The following KIAA1217 variants were observed in gnomAD, a reference collection of about 807,000 sequenced individuals.
KIAA1217 encodes KIAA1217, also known as sickle tail protein homolog.
In KIAA1217, 88 loss-of-function variants were observed where a neutral mutation model predicts 163.9. That is an observed-to-expected ratio of 0.54 (90% CI 0.45 to 0.64). The LOEUF is 0.64. Ranked by LOEUF, KIAA1217 falls within the 30% of genes least tolerant of loss-of-function variation. The pLI, the probability that KIAA1217 is intolerant of heterozygous loss-of-function variation, is 0.00. For synonymous variants in KIAA1217, 903 were observed against 923.1 expected (o/e 0.98, Z 0.39); for missense variants, 2,372 against 2,475.0 (o/e 0.96, Z 0.88).
intron 1 of KIAA1217, among the ~76,000 whole-genome samples, chr10:23,928,453 T>A (rs529150520): frequency 2.2e-4 from 33 of 152,290 alleles, no homozygotes; most frequent in African/African-American, 7.9e-4. Context: ...CAAATGATGA[T>A]TTGTTCATTT....
intron 3 of KIAA1217, among the ~76,000 whole-genome samples, chr10:24,412,517 C>T (rs186046482): frequency 6.6e-5 from 10 of 152,326 alleles, no homozygotes; most frequent in African/African-American, 1.2e-4. Context: ...ATGGGTTAAC[C>T]AGTGCTTGCT....
intron 1 of KIAA1217, among the ~76,000 whole-genome samples, chr10:23,912,696 T>G (rs940244503): frequency 3.9e-5 from 6 of 152,116 alleles, no homozygotes; most frequent in Admixed American, 2.0e-4. Flanking sequence ...TATTCTATGG[T>G]GTTGTGTTTC....
chr10:24,161,059 C>T (rs2065095595), intron 2 of KIAA1217, among the ~76,000 whole-genome samples: 1 of 152,226 alleles, frequency 6.6e-6, no homozygotes, highest in African/African-American at 2.4e-5. Flanking sequence ...AACCTCACCT[C>T]AGACATCAAG....
intron 1 of KIAA1217, among the ~76,000 whole-genome samples, chr10:23,963,630 C>G (rs866782251): frequency 6.6e-6 from 1 of 152,084 alleles, no homozygotes. Context: ...AGTATATACC[C>G]AGTAATGGGA....
intron 1 of KIAA1217, among the ~76,000 whole-genome samples, chr10:23,781,587 T>C (rs767214756): frequency 2.0e-5 from 3 of 152,216 alleles, no homozygotes; most frequent in Non-Finnish European, 4.4e-5. Context: ...TTTTTTAGTT[T>C]GAAGTAGTCA....
chr10:24,234,944 T>C (rs2072019044), intron 2 of KIAA1217, among the ~76,000 whole-genome samples: 1 of 152,146 alleles, frequency 6.6e-6, no homozygotes, highest in Admixed American at 6.6e-5. Flanking sequence ...CAAGTGAAAA[T>C]GACTGTTAGA....
chr10:24,088,183 CA>C (rs1430184740), intron 2 of KIAA1217, among the ~76,000 whole-genome samples: 1 of 120,046 alleles, frequency 8.3e-6, no homozygotes, highest in African/African-American at 2.6e-5. Flanking sequence ...CCTGGAGGCA[CA>C]TGGATCTCCT....
intron 1 of KIAA1217, among the ~76,000 whole-genome samples, chr10:23,921,562 T>C (rs1842847809): frequency 6.6e-6 from 1 of 152,162 alleles, no homozygotes; most frequent in African/African-American, 2.4e-5. Flanking sequence ...GCCAGGGAAA[T>C]GAGAATCCAA....
chr10:24,027,502 C>A (rs1848009569), intron 2 of KIAA1217, among the ~76,000 whole-genome samples: 1 of 152,056 alleles, frequency 6.6e-6, no homozygotes, highest in African/African-American at 2.4e-5. Flanking sequence ...CATATACCAA[C>A]AAACAGAAAA....
At chr10:23,973,268 G>A (rs1845398246) in intron 1 of KIAA1217, among the ~76,000 whole-genome samples, 1 of 152,164 alleles carries the variant, frequency 6.6e-6, no homozygotes, top group South Asian at 2.1e-4. Context: ...AATTATTGAA[G>A]AATTTTAGCC....
intron 1 of KIAA1217, among the ~76,000 whole-genome samples, chr10:23,982,239 C>A (rs1240758437): frequency 6.6e-6 from 1 of 152,098 alleles, no homozygotes; most frequent in East Asian, 1.9e-4. Flanking sequence ...AAGAAAGAAA[C>A]TGGGTATCAG....
intron 2 of KIAA1217, among the ~76,000 whole-genome samples, chr10:24,351,351 C>T (rs1195100610): frequency 6.6e-6 from 1 of 152,148 alleles, no homozygotes; most frequent in African/African-American, 2.4e-5. Context: ...TCTTCCCTGC[C>T]CTGGGCTTTA....
At chr10:23,727,418 G>A (rs1838224594) in intron 1 of KIAA1217, among the ~76,000 whole-genome samples, 1 of 151,862 alleles carries the variant, frequency 6.6e-6, no homozygotes, top group African/African-American at 2.4e-5. Flanking sequence ...AAATTAGCTG[G>A]GTGTGGTGGT....
At chr10:23,803,934 T>G (rs1219002881) in intron 1 of KIAA1217, among the ~76,000 whole-genome samples, 1 of 152,152 alleles carries the variant, frequency 6.6e-6, no homozygotes, top group Non-Finnish European at 1.5e-5. Context: ...CATATAGATA[T>G]CTACGTGTTT....
chr10:24,437,557 A>G lies in KIAA1217; in HGVS notation c.753-829A>G, dbSNP rs143907937. Among the ~76,000 whole-genome samples, 456 of 152,316 alleles carry G rather than the reference A, an allele frequency of 3.0e-3. 2 individuals carry two copies. The highest frequency in any genetic ancestry group is 9.9e-3 in the African/African-American group (413 of 41,582). ...AAGGGATCACAGTGTAGACAGAGCC[A>G]AAAGGGCCTTGGGTGGCCCTTCTGC... On this transcript the variant is annotated intron_variant, in intron 4 of 20. Transcript: ENST00000376454.
chr10:24,242,705 A>G (rs2073250842), intron 2 of KIAA1217, among the ~76,000 whole-genome samples: 1 of 152,212 alleles, frequency 6.6e-6, no homozygotes, highest in South Asian at 2.1e-4. Context: ...CACTCCCACC[A>G]GCAATGTATA....
intron 1 of KIAA1217, among the ~76,000 whole-genome samples, chr10:23,840,085 G>T (rs1838697605): frequency 6.6e-6 from 1 of 151,810 alleles, no homozygotes; most frequent in African/African-American, 2.4e-5. Context: ...CTTAAGTTCT[G>T]TCCACATTTG....
At chr10:24,510,785 G>A (rs891023985) in intron 9 of KIAA1217, among the ~76,000 whole-genome samples, 15 of 152,066 alleles carry the variant, frequency 9.9e-5, no homozygotes, top group East Asian at 3.9e-4. Context: ...CCACATCCCC[G>A]CAGTGAGAGC....
chr10:23,815,759 T>A (rs1837288256), intron 1 of KIAA1217, among the ~76,000 whole-genome samples: 1 of 152,214 alleles, frequency 6.6e-6, no homozygotes, highest in Non-Finnish European at 1.5e-5. Context: ...ATTTCATGTA[T>A]AATGAGTTTG....
Sources: allele counts gnomAD v4.1 joint callset (sites outside exome capture counted in the v4.1 genomes callset), GRCh38; gene constraint gnomAD v4.1.1; transcripts MANE v1.5; gene names NCBI Gene and HGNC (gene_info 2026-07-23, HGNC 2026-07-21).